The following ZNF654 variants were observed in gnomAD, a reference collection of about 807,000 sequenced individuals.
The protein encoded by ZNF654 is zinc finger protein 654.
In ZNF654, 19 loss-of-function variants were observed where a neutral mutation model predicts 95.3. That is an observed-to-expected ratio of 0.20 (90% CI 0.14 to 0.29). The LOEUF (loss-of-function observed/expected upper bound fraction) is 0.29. ZNF654 is among the 10% of genes least tolerant of loss of function. ZNF654 has a pLI of 1.00. For synonymous variants in ZNF654, 413 were observed against 457.9 expected (o/e 0.90, Z 1.25); for missense variants, 1,046 against 1,341.0 (o/e 0.78, Z 3.44).
chr3:88,073,360 G>C (rs1220701586), intron 1 of ZNF654, among the ~76,000 whole-genome samples: 1 of 152,156 alleles, frequency 6.6e-6, no homozygotes, highest in African/African-American at 2.4e-5. Flanking sequence ...CTTGGCTTAG[G>C]GGTTTGAATT....
chr3:88,114,882 G>A (rs939341235), intron 3 of ZNF654, among the ~76,000 whole-genome samples: 3 of 152,178 alleles, frequency 2.0e-5, no homozygotes, highest in African/African-American at 7.2e-5. Context: ...GACTGACACT[G>A]ATAATAGTGA....
chr3:88,086,485 G>A, intron 2 of ZNF654, 83 bp downstream of exon 2: 1 of 1,216,146 alleles, frequency 8.2e-7, no homozygotes, highest in South Asian at 2.3e-5. Flanking sequence ...TTCTGAAGAA[G>A]AAACCTTTCC....
intron 7 of ZNF654, 78 bp downstream of exon 7, chr3:88,135,280 T>G: frequency 8.4e-7 from 1 of 1,185,614 alleles, no homozygotes; most frequent in Non-Finnish European, 1.1e-6. Context: ...TTGATAAAAT[T>G]TATTTGATTT....
chr3:88,076,243 A>G (rs752061773), intron 1 of ZNF654, among the ~76,000 whole-genome samples: 44 of 152,192 alleles, frequency 2.9e-4, no homozygotes, highest in Non-Finnish European at 4.9e-4. Flanking sequence ...AGCTTTTGCC[A>G]TATTGCCATA....
chr3:88,070,219 T>G (rs1194521902), intron 1 of ZNF654, among the ~76,000 whole-genome samples: 5 of 152,194 alleles, frequency 3.3e-5, no homozygotes, highest in Non-Finnish European at 7.4e-5. Flanking sequence ...ATTATAAATT[T>G]GGACACAATA....
intron 3 of ZNF654, among the ~76,000 whole-genome samples, chr3:88,118,809 G>T (rs1342081860): frequency 2.6e-5 from 4 of 152,178 alleles, no homozygotes; most frequent in Admixed American, 2.6e-4. Context: ...CACTTTGACT[G>T]TGTGACAAAT....
At chr3:88,115,053 C>G (rs1705308708) in intron 3 of ZNF654, among the ~76,000 whole-genome samples, 1 of 152,176 alleles carries the variant, frequency 6.6e-6, no homozygotes. Flanking sequence ...AGATGGTGTT[C>G]TTTCTCGTCT....
At chr3:88,093,192 T>G (rs1466024580) in intron 2 of ZNF654, among the ~76,000 whole-genome samples, 1 of 152,164 alleles carries the variant, frequency 6.6e-6, no homozygotes, top group East Asian at 1.9e-4. Context: ...TTCTTACTGG[T>G]TTTTTCCTTT....
Position 88,139,420 on chromosome 3 carries a change from G to C in ZNF654, c.1751G>C (p.Arg584Thr). Residue 584 changes from arginine (R) to threonine (T), a missense_variant, in exon 8 of 9, where the codon AGA (arginine) becomes ACA (threonine). By Grantham distance (71) the Arg-to-Thr change is moderately conservative (BLOSUM62 -1). This residue lies in a region of ZNF654 where 495 missense variants were observed against 537.0 expected (regional missense o/e 0.92). Coordinates refer to ENST00000636215, the MANE Select transcript of ZNF654 (RefSeq NM_001350134.2). Reference protein sequence around the residue: ...CVICGRKFRNRGLMQKHLKNH... With the variant: ...CVICGRKFRNTGLMQKHLKNH... ...ATATGTGGTAGGAAATTTAGAAACA[G>C]AGGACTTATGCAGAAGCATTTGAAG... is the stretch of plus-strand genomic sequence containing the variant. 6.2e-7 allele frequency: 1 copy of C among 1,613,840 alleles called. No individual in the cohort carries two copies. The highest frequency in any genetic ancestry group is 1.1e-5 in the South Asian group (1 of 91,072).
At position 88,094,755 on chromosome 3, in the gene ZNF654, G is replaced by C. The variant is rs142513634; in HGVS notation, c.332+8353G>C. Among the ~76,000 whole-genome samples the C allele has an allele frequency of 3.8e-3, 576 of 152,124 alleles. 6 individuals are homozygous for C. The highest frequency in any genetic ancestry group is 0.013 in the African/African-American group (546 of 41,514). On this transcript the variant is annotated intron_variant, in intron 2 of 8. Coordinates refer to ENST00000636215, the MANE Select transcript of ZNF654 (RefSeq NM_001350134.2). ...TTTGAATGGCTTAATCTTGTGCTAA[G>C]TCAGATCATTAAAAAACTACAGAGC...
chr3:88,101,077 TC>T (rs1704393539), intron 2 of ZNF654, among the ~76,000 whole-genome samples: 1 of 152,194 alleles, frequency 6.6e-6, no homozygotes, highest in Non-Finnish European at 1.5e-5. Context: ...CAGCTGTATT[TC>T]CCCACTCCTT....
intron 1 of ZNF654, among the ~76,000 whole-genome samples, chr3:88,072,314 G>T (rs1707559519): frequency 6.6e-6 from 1 of 152,096 alleles, no homozygotes; most frequent in African/African-American, 2.4e-5. Flanking sequence ...TTTTTACACA[G>T]CAGTCAATGT....
chr3:88,113,582 A>G (rs527487826), intron 3 of ZNF654, among the ~76,000 whole-genome samples: 2 of 152,212 alleles, frequency 1.3e-5, no homozygotes, highest in South Asian at 4.1e-4. Flanking sequence ...CGAAGCTAGG[A>G]GACAGAAGAT....
chr3:88,094,389 T>G (rs878903823), intron 2 of ZNF654, among the ~76,000 whole-genome samples: 1 of 152,116 alleles, frequency 6.6e-6, no homozygotes, highest in Non-Finnish European at 1.5e-5. Flanking sequence ...TATAGTTGTT[T>G]TATGAGCAAA....
intron 5 of ZNF654, 43 bp downstream of exon 5, chr3:88,129,054 A>C: frequency 5.1e-6 from 7 of 1,378,740 alleles, no homozygotes; most frequent in African/African-American, 1.5e-5. Context: ...TTTTAACCCT[A>C]CCAAAAAAAA....
At chr3:88,134,116 G>A (rs1209728073) in intron 6 of ZNF654, among the ~76,000 whole-genome samples, 2 of 150,060 alleles carry the variant, frequency 1.3e-5, no homozygotes, top group Non-Finnish European at 3.0e-5. Flanking sequence ...AAAAAAAAAA[G>A]GTGGGGGGTA....
chr3:88,124,320 T>C (rs1170805172), intron 3 of ZNF654, among the ~76,000 whole-genome samples: 2 of 152,200 alleles, frequency 1.3e-5, no homozygotes, highest in East Asian at 3.8e-4. Flanking sequence ...CCATTGTTGG[T>C]AGGATTTTTG....
At chr3:88,061,351 AGTT>A (rs1408552501) in intron 1 of ZNF654, among the ~76,000 whole-genome samples, 1 of 152,210 alleles carries the variant, frequency 6.6e-6, no homozygotes, top group African/African-American at 2.4e-5. Flanking sequence ...CAACAAATGA[AGTT>A]GACTACTTTA....
At chr3:88,097,867 A>G (rs916403582) in intron 2 of ZNF654, among the ~76,000 whole-genome samples, 2 of 152,228 alleles carry the variant, frequency 1.3e-5, no homozygotes, top group African/African-American at 4.8e-5. Flanking sequence ...CTAAATGCCC[A>G]CAAGAGAAAG....
Sources: gnomAD v4.1 joint callset for allele counts (sites outside exome capture counted in the v4.1 genomes callset) on GRCh38, gnomAD v4.1.1 for gene constraint, gnomAD v4.1.1 regional missense constraint, MANE v1.5 for transcripts, NCBI Gene and HGNC (gene_info 2026-07-23, HGNC 2026-07-21) for gene names.